Variants in CNTNAP2 observed in about 807,000 individuals in gnomAD.
CNTNAP2 encodes contactin-associated protein-like 2.
A neutral mutation model predicts 155.2 loss-of-function variants in CNTNAP2; 98 were observed. That is an observed-to-expected ratio of 0.63 (90% confidence interval 0.54 to 0.75). The LOEUF is 0.75. Among genes scored for constraint, CNTNAP2 ranks in the 30% least tolerant of loss-of-function variants. CNTNAP2 has a pLI of 0.00. For missense variants in CNTNAP2, 1,727 were observed against 1,688.1 expected (o/e 1.02, Z -0.40); for synonymous variants, 651 against 631.2 (o/e 1.03, Z -0.47).
intron 1 of CNTNAP2, among the ~76,000 whole-genome samples, chr7:146,208,106 A>C (rs1798977199): frequency 6.6e-6 from 1 of 152,058 alleles, no homozygotes; most frequent in African/African-American, 2.4e-5. Flanking sequence ...TCTTATTCAT[A>C]CTATATATGA....
At chr7:147,975,860 G>T (rs1801418842) in intron 14 of CNTNAP2, among the ~76,000 whole-genome samples, 1 of 152,030 alleles carries the variant, frequency 6.6e-6, no homozygotes, top group African/African-American at 2.4e-5. Flanking sequence ...TGGGATATTT[G>T]CTCAATAAAT....
chr7:146,467,446 TAA>T (rs1796732486), intron 1 of CNTNAP2, among the ~76,000 whole-genome samples: 1 of 152,152 alleles, frequency 6.6e-6, no homozygotes, highest in Non-Finnish European at 1.5e-5. Flanking sequence ...TCATTTCTGA[TAA>T]AGTTAAATGT....
intron 1 of CNTNAP2, among the ~76,000 whole-genome samples, chr7:146,357,268 A>G (rs531012989): frequency 3.9e-4 from 59 of 151,724 alleles, no homozygotes; most frequent in Middle Eastern, 3.4e-3. Flanking sequence ...GAAACAAAAT[A>G]AAACATACCC....
intron 13 of CNTNAP2, among the ~76,000 whole-genome samples, chr7:147,664,849 C>G (rs954517407): frequency 7.2e-5 from 11 of 152,140 alleles, no homozygotes; most frequent in African/African-American, 2.2e-4. Flanking sequence ...TTATCTGGCT[C>G]TAAACCCACT....
intron 14 of CNTNAP2, among the ~76,000 whole-genome samples, chr7:147,931,203 A>C (rs1301297437): frequency 7.2e-6 from 1 of 138,738 alleles, no homozygotes; most frequent in East Asian, 2.1e-4. Context: ...AGAAATAAAC[A>C]GAGTAAAAAA....
At chr7:146,457,479 T>C in intron 1 of CNTNAP2, among the ~76,000 whole-genome samples, 1 of 84,586 alleles carries the variant, frequency 1.2e-5, no homozygotes, top group South Asian at 3.8e-4. Flanking sequence ...GCTTCAAAAA[T>C]GAATATATAT....
At chr7:147,427,771 A>G (rs984044896) in intron 10 of CNTNAP2, among the ~76,000 whole-genome samples, 5 of 152,108 alleles carry the variant, frequency 3.3e-5, no homozygotes, top group African/African-American at 9.7e-5. Context: ...CCTGTTATTC[A>G]TTTTCCAAGA....
Position 146,658,460 on chromosome 7 carries a change from T to G in CNTNAP2, c.98-115811T>G, listed in dbSNP as rs1304617934. Among the ~76,000 whole-genome samples, 6 of 152,212 alleles carry G rather than the reference T, an allele frequency of 3.9e-5. No homozygotes were observed. The East Asian group carries it at 1.2e-3, about 29-fold the overall frequency. ...TAAAAGGAATATTCATCCTTTTCAT[T>G]TTGAAGTTTGTTATTATACCATATC... On this transcript the variant is annotated intron_variant, in intron 1 of 23. Transcript: ENST00000361727.
chr7:147,602,626 C>T (rs7787323), intron 12 of CNTNAP2, among the ~76,000 whole-genome samples: 57,438 of 147,712 alleles, frequency 0.39, 11,356 homozygotes, highest in Admixed American at 0.43. Flanking sequence ...TCTCCTAATG[C>T]TATCCCTCCC....
chr7:147,354,316 G>A (rs1188057768), intron 9 of CNTNAP2, among the ~76,000 whole-genome samples: 1 of 152,044 alleles, frequency 6.6e-6, no homozygotes, highest in East Asian at 1.9e-4. Flanking sequence ...TTTTGTATAA[G>A]GTGTAAGGAA....
In CNTNAP2 at chr7:146,878,488, T is replaced by C. The variant is rs540732387; in HGVS notation, c.402+38584T>C. ...AGATTATACCAGCCCTATGTTTATG[T>C]TAGAAAAGATGACCTAAGGTAGGAG... On this transcript the variant is annotated intron_variant, in intron 3 of 23. Transcript: ENST00000361727. 2.6e-4 allele frequency among the ~76,000 whole-genome samples: 40 copies of C among 152,186 alleles called. 2 individuals carry two copies. In the South Asian group the frequency reaches 8.1e-3, roughly 31 times the overall value.
chr7:147,190,589 T>A (rs1311821832), intron 8 of CNTNAP2, among the ~76,000 whole-genome samples: 2 of 152,204 alleles, frequency 1.3e-5, no homozygotes, highest in Non-Finnish European at 2.9e-5. Flanking sequence ...TGACATTAGC[T>A]TCGCAATGGT....
intron 12 of CNTNAP2, among the ~76,000 whole-genome samples, chr7:147,596,861 A>C (rs1800835049): frequency 6.6e-6 from 1 of 152,192 alleles, no homozygotes; most frequent in African/African-American, 2.4e-5. Flanking sequence ...AAGACCCACC[A>C]AAACCAAGAT....
In CNTNAP2 at chr7:146,428,204, A is replaced by C. The variant is rs112997424; in HGVS notation, c.97+311231A>C. Reference sequence around the variant, plus strand: ...TATTGTGAATAGTGCTGCAATGAACATACACATGTATGTGTCTTTATAATA... The same window carrying C: ...TATTGTGAATAGTGCTGCAATGAACCTACACATGTATGTGTCTTTATAATA... On this transcript the variant is annotated intron_variant, in intron 1 of 23. Coordinates refer to ENST00000361727, the MANE Select transcript of CNTNAP2 (RefSeq NM_014141.6). Among the ~76,000 whole-genome samples, 457 of 152,312 alleles carry C rather than the reference A, an allele frequency of 3.0e-3. 1 individual carries two copies. Among genetic ancestry groups the C allele is most frequent in the African/African-American group, 0.01 (423 of 41,564 alleles).
chr7:147,288,831 A>C (rs1230057591), intron 8 of CNTNAP2, among the ~76,000 whole-genome samples: 1 of 152,184 alleles, frequency 6.6e-6, no homozygotes, highest in Non-Finnish European at 1.5e-5. Flanking sequence ...CCACTCTATA[A>C]TGTCTTTGTC....
At chr7:146,509,369 G>A (rs1472122821) in intron 1 of CNTNAP2, among the ~76,000 whole-genome samples, 1 of 152,180 alleles carries the variant, frequency 6.6e-6, no homozygotes, top group Non-Finnish European at 1.5e-5. Context: ...TTCCATCTCA[G>A]AGGAGGAGCA....
chr7:146,272,732 A>C (rs997753606), intron 1 of CNTNAP2, among the ~76,000 whole-genome samples: 4 of 152,192 alleles, frequency 2.6e-5, no homozygotes, highest in Admixed American at 2.6e-4. Flanking sequence ...ACAAGAAGTC[A>C]GAGGCAATAG....
chr7:148,083,875 G>A (rs555276149), intron 15 of CNTNAP2, among the ~76,000 whole-genome samples: 1 of 152,220 alleles, frequency 6.6e-6, no homozygotes, highest in African/African-American at 2.4e-5. Flanking sequence ...ATAACTAAGA[G>A]TCTCCATGAA....
intron 1 of CNTNAP2, among the ~76,000 whole-genome samples, chr7:146,323,792 G>A (rs896354337): frequency 1.3e-5 from 2 of 152,038 alleles, no homozygotes; most frequent in African/African-American, 4.8e-5. Context: ...GGCTTCTAGG[G>A]AAAACTGGTA....
Sources: gnomAD v4.1 joint callset for allele counts (sites outside exome capture counted in the v4.1 genomes callset) on GRCh38, gnomAD v4.1.1 for gene constraint, MANE v1.5 for transcripts, NCBI Gene and HGNC (gene_info 2026-07-23, HGNC 2026-07-21) for gene names.